The following PTPRO variants were observed in gnomAD, a reference collection of about 807,000 sequenced individuals.
PTPRO encodes protein tyrosine phosphatase receptor type O.
A neutral mutation model predicts 145.2 loss-of-function variants in PTPRO; 62 were observed. The ratio of observed to expected loss-of-function variants is 0.43; its 90% confidence interval spans 0.35 to 0.53. The LOEUF (loss-of-function observed/expected upper bound fraction) is 0.53, where lower values mean the gene tolerates loss of function less well. Among genes scored for constraint, PTPRO ranks in the 20% least tolerant of loss-of-function variants. The pLI is 0.01. For missense variants in PTPRO, 1,345 were observed against 1,482.7 expected (o/e 0.91, Z 1.53); for synonymous variants, 565 against 514.7 (o/e 1.10, Z -1.32).
chr12:15,495,444 G>A (rs939958080), intron 2 of PTPRO, among the ~76,000 whole-genome samples: 1 of 150,578 alleles, frequency 6.6e-6, no homozygotes, highest in Non-Finnish European at 1.5e-5. Context: ...GAGTTCTCAT[G>A]TTATTGAAAT....
At chr12:15,395,323 G>C (rs746415062) in intron 1 of PTPRO, among the ~76,000 whole-genome samples, 7 of 152,014 alleles carry the variant, frequency 4.6e-5, no homozygotes, top group Non-Finnish European at 8.8e-5. Flanking sequence ...AGGGTGAGGG[G>C]ATGATGGCTT....
In PTPRO at chr12:15,589,537, T is replaced by C. The variant is rs1275556984; in HGVS notation, c.3493T>C (p.Leu1165=). ...TCGGGATCATGAGTTTGTTGACATC[T>C]TAGGGCTGGTGTCAGAAATGAGGTC... The part of the protein sequence containing the change: ...HIRDHEFVDI[L]GLVSEMRSYR... The change falls in exon 25 of 27, where the codon TTA becomes CTA. Residue 1165 remains leucine (L), a synonymous_variant. Transcript: ENST00000281171. 1.9e-6 allele frequency: 3 copies of C among 1,614,092 alleles called. No individual in the cohort carries two copies. Among genetic ancestry groups the C allele is most frequent in the Middle Eastern group, 1.6e-4 (1 of 6,062 alleles).
At chr12:15,362,048 A>T (rs1173957013) in intron 1 of PTPRO, among the ~76,000 whole-genome samples, 1 of 152,144 alleles carries the variant, frequency 6.6e-6, no homozygotes, top group East Asian at 1.9e-4. Flanking sequence ...TGTGGAGGAG[A>T]ATAAATTCTC....
chr12:15,507,650 T>C (rs1401984140), intron 6 of PTPRO, among the ~76,000 whole-genome samples: 1 of 152,158 alleles, frequency 6.6e-6, no homozygotes, highest in African/African-American at 2.4e-5. Flanking sequence ...AACAAACCTA[T>C]AAATATGTAA....
Position 15,368,658 on chromosome 12 carries a change from A to G in PTPRO, c.75+45857A>G, listed in dbSNP as rs558433995. ...TAGATAAATATGAAGTTTATTCATG[A>G]GCTCTGGATTTATCCTCTAGATAAA... On this transcript the variant is annotated intron_variant, in intron 1 of 26. Coordinates refer to ENST00000281171, the MANE Select transcript of PTPRO (RefSeq NM_030667.3). Among the ~76,000 whole-genome samples the G allele has an allele frequency of 3.3e-5, 5 of 152,322 alleles. No homozygotes were observed. In the South Asian group the frequency reaches 1.0e-3, roughly 32 times the overall value.
chr12:15,414,104 A>C (rs1197739077), intron 1 of PTPRO, among the ~76,000 whole-genome samples: 1 of 152,204 alleles, frequency 6.6e-6, no homozygotes, highest in African/African-American at 2.4e-5. Flanking sequence ...ATATTTGACT[A>C]ACTTGTCTAA....
chr12:15,516,220 C>T lies in PTPRO; in HGVS notation c.1586-543C>T, dbSNP rs189551642. ...TTAGCCAGGATGGTCTCGATCTGAC[C>T]TCGTGATCTGCCCACCTTGGCTTCC... On this transcript the variant is annotated intron_variant, in intron 8 of 26. Transcript: ENST00000281171. 5.1e-3 allele frequency among the ~76,000 whole-genome samples: 760 copies of T among 149,294 alleles called. 4 individuals carry two copies. The highest frequency in any genetic ancestry group is 0.018 in the African/African-American group (736 of 40,928).
intron 1 of PTPRO, among the ~76,000 whole-genome samples, chr12:15,435,011 C>T (rs1162873839): frequency 3.9e-5 from 6 of 152,158 alleles, no homozygotes; most frequent in African/African-American, 1.2e-4. Flanking sequence ...TACCCTTCTC[C>T]TCTCAAGGTG....
chr12:15,515,376 AG>A, intron 7 of PTPRO, 121 bp from the exon 8 acceptor site: 1 of 1,307,278 alleles, frequency 7.6e-7, no homozygotes, highest in South Asian at 1.2e-5. Context: ...GCTTCAGTAA[AG>A]CCTTCTGGAT....
At chr12:15,329,018 G>A (rs1866532958) in intron 1 of PTPRO, among the ~76,000 whole-genome samples, 1 of 152,134 alleles carries the variant, frequency 6.6e-6, no homozygotes, top group Admixed American at 6.5e-5. Flanking sequence ...TCATTTTACT[G>A]TTTTCAGATA....
At chr12:15,414,228 A>C (rs1032312898) in intron 1 of PTPRO, among the ~76,000 whole-genome samples, 1 of 152,222 alleles carries the variant, frequency 6.6e-6, no homozygotes, top group East Asian at 1.9e-4. Flanking sequence ...TTTGAATCAC[A>C]TATGAACAAC....
At chr12:15,437,277 C>G (rs191860296) in intron 1 of PTPRO, among the ~76,000 whole-genome samples, 1 of 151,746 alleles carries the variant, frequency 6.6e-6, no homozygotes, top group African/African-American at 2.4e-5. Context: ...GCATTCAGAG[C>G]GCCTGCTTGC....
At chr12:15,555,935 G>A (rs1283828475) in intron 15 of PTPRO, among the ~76,000 whole-genome samples, 1 of 152,140 alleles carries the variant, frequency 6.6e-6, no homozygotes, top group African/African-American at 2.4e-5. Flanking sequence ...TCATCATGGT[G>A]ATGCATATGA....
intron 1 of PTPRO, among the ~76,000 whole-genome samples, chr12:15,478,848 T>C (rs1466640438): frequency 6.6e-6 from 1 of 152,054 alleles, no homozygotes; most frequent in Non-Finnish European, 1.5e-5. Flanking sequence ...ATTTTTTGTA[T>C]TTTTAGTAGA....
intron 4 of PTPRO, among the ~76,000 whole-genome samples, chr12:15,500,129 G>A (rs577426509): frequency 6.6e-5 from 10 of 151,994 alleles, no homozygotes; most frequent in African/African-American, 2.4e-4. Flanking sequence ...ATGGAATAAT[G>A]AATGGATAAA....
At chr12:15,399,776 C>T (rs1939438306) in intron 1 of PTPRO, among the ~76,000 whole-genome samples, 1 of 151,908 alleles carries the variant, frequency 6.6e-6, no homozygotes, top group East Asian at 2.0e-4. Context: ...TTTGGCCCGG[C>T]ACAGTGGCTC....
intron 1 of PTPRO, among the ~76,000 whole-genome samples, chr12:15,330,288 T>C (rs1866570296): frequency 6.6e-6 from 1 of 152,150 alleles, no homozygotes; most frequent in Non-Finnish European, 1.5e-5. Context: ...GTGGCAATGT[T>C]GAAAAATAGC....
intron 19 of PTPRO, among the ~76,000 whole-genome samples, chr12:15,576,482 C>G (rs1003993035): frequency 6.6e-6 from 1 of 152,190 alleles, no homozygotes; most frequent in Admixed American, 6.5e-5. Flanking sequence ...TGTGCTCAAA[C>G]GCTCAGCCTC....
intron 8 of PTPRO, among the ~76,000 whole-genome samples, chr12:15,515,966 T>C (rs1475235874): frequency 9.3e-5 from 14 of 150,150 alleles, no homozygotes; most frequent in Non-Finnish European, 1.8e-4. Context: ...TTTTTTGTTT[T>C]GTTTGTCTGG....
Sources: gnomAD v4.1 joint callset for allele counts (sites outside exome capture counted in the v4.1 genomes callset) on GRCh38, gnomAD v4.1.1 for gene constraint, MANE v1.5 for transcripts, NCBI Gene and HGNC (gene_info 2026-07-23, HGNC 2026-07-21) for gene names.